Variants in ADGRV1 observed in about 807,000 individuals in gnomAD.
The protein encoded by ADGRV1 is adhesion G protein-coupled receptor V1, also known as G-protein coupled receptor 98.
Under a neutral mutation model 596.2 loss-of-function variants are expected in ADGRV1, and 359 were observed. The observed-to-expected ratio is 0.60, with a 90% CI of 0.55 to 0.66. The LOEUF is 0.66. Among genes scored for constraint, ADGRV1 ranks in the 30% least tolerant of loss-of-function variants. ADGRV1 has a pLI of 0.00. For synonymous variants in ADGRV1, 2,681 were observed against 2,679.2 expected, an observed-to-expected ratio of 1.00 and a Z score of -0.02; for missense variants, 7,274 against 7,575.6, an observed-to-expected ratio of 0.96 and a Z score of 1.48.
At chr5:90,624,307 T>A (rs1013332122) in intron 5 of ADGRV1, among the ~76,000 whole-genome samples, 3 of 152,164 alleles carry the variant, frequency 2.0e-5, no homozygotes, top group Admixed American at 6.5e-5. Flanking sequence ...TTTTTGAAAA[T>A]TTTTCTGATA....
In ADGRV1 at chr5:90,791,137, C is replaced by A; in HGVS notation, c.14308C>A (p.Arg4770Ser). ...TGGAGTATTTGCCCTGTATTCGGATCGCCAGTCAATACTTATTGGGCAGAA... is the reference window on the plus strand; with the variant it reads ...TGGAGTATTTGCCCTGTATTCGGATAGCCAGTCAATACTTATTGGGCAGAA... ...PHGVFALYSDRQSILIGQNLI... is the reference protein window; with the variant it reads ...PHGVFALYSDSQSILIGQNLI... Residue 4770 changes from arginine to serine, a missense_variant, in exon 70 of 90, where the codon CGC becomes AGC. Physicochemically the swap from Arg to Ser is moderately radical, Grantham distance 110. Transcript: ENST00000405460. 1 of 1,613,888 alleles carries A rather than the reference C, an allele frequency of 6.2e-7. No homozygotes were observed. Among genetic ancestry groups the A allele is most frequent in the African/African-American group, 1.3e-5 (1 of 75,022 alleles).
chr5:90,565,881 C>T (rs1192306732), intron 1 of ADGRV1, among the ~76,000 whole-genome samples: 4 of 152,024 alleles, frequency 2.6e-5, no homozygotes, highest in Admixed American at 6.6e-5. Context: ...GTATCTCATT[C>T]GGGTTTTGAT....
chr5:90,952,461 G>A (rs1260728930), intron 83 of ADGRV1, among the ~76,000 whole-genome samples: 1 of 152,144 alleles, frequency 6.6e-6, no homozygotes, highest in Non-Finnish European at 1.5e-5. Context: ...GATGGAGGGA[G>A]GGGGTCATGA....
At chr5:90,842,563 CA>C (rs1481599142) in intron 78 of ADGRV1, among the ~76,000 whole-genome samples, 3 of 151,938 alleles carry the variant, frequency 2.0e-5, no homozygotes, top group Non-Finnish European at 4.4e-5. Flanking sequence ...ACTAAAAATA[CA>C]AAAATTAGCC....
In ADGRV1 at chr5:90,674,240, C is replaced by T; in HGVS notation, c.5110+6C>T. 1 of 1,560,362 alleles carries T rather than the reference C, an allele frequency of 6.4e-7. No individual in the cohort carries two copies. The highest frequency in any genetic ancestry group is 1.7e-4 in the Middle Eastern group (1 of 5,844). On this transcript the variant is annotated splice_donor_region_variant and intron_variant, in intron 23 of 89. Coordinates refer to ENST00000405460, the MANE Select transcript of ADGRV1 (RefSeq NM_032119.4). Reference sequence around the variant, plus strand: ...AGCTAGTGATCATCCATATGGTAACCTGCTCCTTTTGCAAGAAAAATCCTC... The same window carrying T: ...AGCTAGTGATCATCCATATGGTAACTTGCTCCTTTTGCAAGAAAAATCCTC...
intron 55 of ADGRV1, 23 bp from the exon 56 acceptor site, chr5:90,756,431 C>T: frequency 2.1e-6 from 3 of 1,423,662 alleles, no homozygotes; most frequent in Non-Finnish European, 1.9e-6. Context: ...AATGAAACAC[C>T]ATCTTTTTCC....
intron 1 of ADGRV1, among the ~76,000 whole-genome samples, chr5:90,593,662 C>CA (rs1759836996): frequency 6.6e-6 from 1 of 151,988 alleles, no homozygotes; most frequent in South Asian, 2.1e-4. Flanking sequence ...AGGGGTGTAT[C>CA]AAAATCTTAG....
At chr5:90,947,811 A>G (rs1414163886) in intron 83 of ADGRV1, among the ~76,000 whole-genome samples, 1 of 152,162 alleles carries the variant, frequency 6.6e-6, no homozygotes, top group African/African-American at 2.4e-5. Context: ...CTATCTCCCT[A>G]TATCATCAAT....
At position 90,593,802 on chromosome 5, in the gene ADGRV1, G is replaced by GT. The variant is rs59652722; in HGVS notation, c.23-21024dup. On this transcript the variant is annotated intron_variant, in intron 1 of 89. Transcript: ENST00000405460. ...ATCATTAACTATGATCTTGGTAGGA[G>GT]TTTTTTTTTGGTACAAGCTTTTTAT... Among the ~76,000 whole-genome samples the GT allele has an allele frequency of 9.6e-3, 1,456 of 151,074 alleles. 17 individuals are homozygous for GT. The highest frequency in any genetic ancestry group is 0.033 in the African/African-American group (1,374 of 41,228).
Position 90,693,904 on chromosome 5 carries a change from G to A in ADGRV1, c.7148G>A (p.Gly2383Asp), listed in dbSNP as rs1207930541. ...CCACATTTTAGCGGAGGGCACTTTGGTCGGCTGTTGTTGTTCTACAGTACT... is the reference window on the plus strand; with the variant it reads ...CCACATTTTAGCGGAGGGCACTTTGATCGGCTGTTGTTGTTCTACAGTACT... Reference protein sequence around the residue: ...ITVRRSGGHFGRLLLFYSTSD... With the variant: ...ITVRRSGGHFDRLLLFYSTSD... The change falls in exon 33 of 90, where the codon GGT becomes GAT. Residue 2383 changes from glycine (G) to aspartate (D), a missense_variant. This residue lies in a region of ADGRV1 where 3,643 missense variants were observed against 3,809.2 expected (regional missense o/e 0.96). Transcript: ENST00000405460. The A allele has an allele frequency of 3.2e-6, 5 of 1,553,576 alleles. No homozygotes were observed. In the East Asian group the frequency reaches 6.8e-5, roughly 21 times the overall value.
intron 81 of ADGRV1, among the ~76,000 whole-genome samples, chr5:90,854,447 G>C (rs1028055846): frequency 6.6e-6 from 1 of 152,108 alleles, no homozygotes; most frequent in Non-Finnish European, 1.5e-5. Flanking sequence ...CTACTTTCAC[G>C]GGATGTGGCA....
chr5:90,750,149 C>T (rs1169765664), intron 52 of ADGRV1, among the ~76,000 whole-genome samples: 1 of 152,148 alleles, frequency 6.6e-6, no homozygotes, highest in Non-Finnish European at 1.5e-5. Flanking sequence ...CCAGAAGTTA[C>T]ACAGAGGAAA....
At chr5:90,761,858 G>A (rs1026162252) in intron 58 of ADGRV1, among the ~76,000 whole-genome samples, 2 of 152,150 alleles carry the variant, frequency 1.3e-5, no homozygotes, top group African/African-American at 4.8e-5. Context: ...AGCCCTTTGT[G>A]ACTTTTTTCC....
At chr5:91,041,070 A>G (rs1308514123) in intron 85 of ADGRV1, among the ~76,000 whole-genome samples, 1 of 152,224 alleles carries the variant, frequency 6.6e-6, no homozygotes, top group Non-Finnish European at 1.5e-5. Flanking sequence ...ATTGTGGAAG[A>G]CAGTGTGGCA....
intron 89 of ADGRV1, among the ~76,000 whole-genome samples, chr5:91,162,222 T>G (rs754933263): frequency 6.6e-6 from 1 of 152,140 alleles, no homozygotes; most frequent in Admixed American, 6.5e-5. Context: ...ACACCTGCAG[T>G]GTACTGAGCA....
chr5:90,664,586 C>A (rs1770972365), intron 21 of ADGRV1, among the ~76,000 whole-genome samples: 2 of 135,064 alleles, frequency 1.5e-5, no homozygotes, highest in South Asian at 5.1e-4. Context: ...TCCTCTTTTC[C>A]TAATTGAATA....
At chr5:90,707,870 C>G (rs1214182908) in intron 38 of ADGRV1, among the ~76,000 whole-genome samples, 1 of 151,778 alleles carries the variant, frequency 6.6e-6, no homozygotes, top group African/African-American at 2.4e-5. Flanking sequence ...CATATAGGAG[C>G]AAGCTGCCCT....
intron 1 of ADGRV1, among the ~76,000 whole-genome samples, chr5:90,594,170 C>T: frequency 6.6e-6 from 1 of 152,224 alleles, no homozygotes; most frequent in East Asian, 1.9e-4. Context: ...TATGGTGTGG[C>T]TGTGTCCCCA....
chr5:90,825,552 C>T (rs886535324), intron 76 of ADGRV1, among the ~76,000 whole-genome samples: 2 of 152,116 alleles, frequency 1.3e-5, no homozygotes, highest in South Asian at 2.1e-4. Flanking sequence ...AATACTGATA[C>T]GATCTCACTA....
Sources: gnomAD v4.1 joint callset for allele counts (sites outside exome capture counted in the v4.1 genomes callset) on GRCh38, gnomAD v4.1.1 for gene constraint, gnomAD v4.1.1 regional missense constraint, MANE v1.5 for transcripts, NCBI Gene and HGNC (gene_info 2026-07-23, HGNC 2026-07-21) for gene names.